The following CSMD1 variants were observed in gnomAD, a reference collection of about 807,000 sequenced individuals.
The protein encoded by CSMD1 is CUB and Sushi multiple domains 1.
Under a neutral mutation model 417.5 loss-of-function variants are expected in CSMD1, and 213 were observed. The observed-to-expected ratio is 0.51, with a 90% CI of 0.46 to 0.57. The LOEUF (loss-of-function observed/expected upper bound fraction) is 0.57. Among genes scored for constraint, CSMD1 ranks in the 20% least tolerant of loss-of-function variants. The pLI, the probability that CSMD1 is intolerant of heterozygous loss-of-function variation, is 0.00. For synonymous variants in CSMD1, 2,862 were observed against 1,736.8 expected (o/e 1.65, Z -16.11); for missense variants, 6,923 against 4,529.7 (o/e 1.53, Z -15.17).
chr8:3,985,756 ATT>A (rs11288801), intron 5 of CSMD1, among the ~76,000 whole-genome samples: 14,745 of 142,314 alleles, frequency 0.1, 883 homozygotes, highest in African/African-American at 0.16. Context: ...TGTTAAAGTG[ATT>A]TTTTTTTTTT....
chr8:4,086,025 T>C (rs1800400360), intron 3 of CSMD1, among the ~76,000 whole-genome samples: 1 of 152,182 alleles, frequency 6.6e-6, no homozygotes, highest in South Asian at 2.1e-4. Context: ...AAAGGTGTGG[T>C]CCTGTTTTCA....
chr8:4,670,905 T>G (rs959844096), intron 1 of CSMD1, among the ~76,000 whole-genome samples: 1 of 152,204 alleles, frequency 6.6e-6, no homozygotes, highest in Admixed American at 6.5e-5. Context: ...GAAATTTTAG[T>G]GACAAGGATA....
chr8:4,955,462 T>C (rs1458952220), intron 1 of CSMD1, among the ~76,000 whole-genome samples: 37 of 151,958 alleles, frequency 2.4e-4, no homozygotes. Flanking sequence ...CTCTCTTTTT[T>C]TTTTTTATTG....
At chr8:3,366,226 G>T (rs1268659812) in intron 20 of CSMD1, among the ~76,000 whole-genome samples, 1 of 152,224 alleles carries the variant, frequency 6.6e-6, no homozygotes, top group East Asian at 1.9e-4. Flanking sequence ...GTGCAGCAGG[G>T]CCCTTTCTGT....
At chr8:3,528,297 G>A (rs1490340632) in intron 10 of CSMD1, among the ~76,000 whole-genome samples, 1 of 152,148 alleles carries the variant, frequency 6.6e-6, no homozygotes, top group Non-Finnish European at 1.5e-5. Context: ...GAGGTGTTTT[G>A]CTAATAGCTC....
rs746940401 is a variant in CSMD1, at chr8:3,308,388, G to A, written c.3747C>T (p.Ala1249=). Residue 1249 remains alanine (A), a synonymous_variant, in exon 24 of 70, where the codon GCC becomes GCT. Transcript: ENST00000635120. ...AGGTCAGGGTGTTGCTGCCATGCATGGCGTACCCCGGGTTGCAACTGTACA... is the reference window on the plus strand; with the variant it reads ...AGGTCAGGGTGTTGCTGCCATGCATAGCGTACCCCGGGTTGCAACTGTACA... ...VVLYSCNPGY[A]MHGSNTLTCL... is the part of the protein sequence containing the mutation. 42 of 1,613,676 alleles carry A rather than the reference G, an allele frequency of 2.6e-5. No homozygotes were observed. The highest frequency in any genetic ancestry group is 3.3e-5 in the Non-Finnish European group (39 of 1,179,808).
chr8:4,199,913 G>C (rs924057871), intron 3 of CSMD1, among the ~76,000 whole-genome samples: 3 of 152,074 alleles, frequency 2.0e-5, no homozygotes, highest in Admixed American at 6.5e-5. Context: ...CATACATTTT[G>C]TGGTGAAGTA....
intron 3 of CSMD1, among the ~76,000 whole-genome samples, chr8:4,115,318 A>C (rs1343356314): frequency 1.3e-5 from 2 of 152,228 alleles, no homozygotes; most frequent in Non-Finnish European, 2.9e-5. Flanking sequence ...TTTTAAAATT[A>C]AGGTATGTAC....
At chr8:2,951,069 T>C in intron 66 of CSMD1, 45 bp downstream of exon 66, 2 of 1,578,856 alleles carry the variant, frequency 1.3e-6, no homozygotes, top group Non-Finnish European at 1.7e-6. Flanking sequence ...ATAACAGGTC[T>C]ATTTCTGCTC....
At chr8:4,701,538 G>C (rs1360661055) in intron 1 of CSMD1, among the ~76,000 whole-genome samples, 2 of 151,986 alleles carry the variant, frequency 1.3e-5, no homozygotes, top group Admixed American at 6.5e-5. Context: ...TCAATGGTGG[G>C]CATGGGAGGG....
At chr8:3,826,750 C>A (rs1241630020) in intron 5 of CSMD1, among the ~76,000 whole-genome samples, 1 of 152,088 alleles carries the variant, frequency 6.6e-6, no homozygotes, top group South Asian at 2.1e-4. Flanking sequence ...CCTAGGAGGA[C>A]TCACTTATAA....
intron 7 of CSMD1, among the ~76,000 whole-genome samples, chr8:3,632,410 T>A (rs1437006685): frequency 1.3e-5 from 2 of 152,096 alleles, no homozygotes; most frequent in Non-Finnish European, 2.9e-5. Flanking sequence ...ACCCCTGGGA[T>A]ATGTCCATGT....
rs1421031465 is a variant in CSMD1 at position 4,113,670 on chromosome 8, C to T, written c.416-81571G>A. Among the ~76,000 whole-genome samples the T allele has an allele frequency of 2.6e-5, 4 of 152,148 alleles. No homozygotes were observed. The South Asian group carries it at 6.2e-4, about 24-fold the overall frequency. ...CCACCCGCCTCCACCTCCCAAAGTG[C>T]TAGGATTACAGGCATGAGCCACCGC... On this transcript the variant is annotated intron_variant, in intron 3 of 69. Transcript: ENST00000635120.
chr8:4,823,039 C>T (rs1165486089), intron 1 of CSMD1, among the ~76,000 whole-genome samples: 1 of 152,034 alleles, frequency 6.6e-6, no homozygotes, highest in Admixed American at 6.6e-5. Flanking sequence ...ATCACTGTGT[C>T]TGTGAAATGC....
chr8:4,102,067 T>C (rs1352224744), intron 3 of CSMD1, among the ~76,000 whole-genome samples: 5 of 152,104 alleles, frequency 3.3e-5, no homozygotes, highest in Admixed American at 6.6e-5. Context: ...ATCAGCAAGT[T>C]TTACCTGCGC....
chr8:4,574,947 A>T (rs1376337534), intron 2 of CSMD1, among the ~76,000 whole-genome samples: 1 of 152,208 alleles, frequency 6.6e-6, no homozygotes, highest in Non-Finnish European at 1.5e-5. Flanking sequence ...ATCAAGAACT[A>T]TTCCTAATGA....
chr8:3,889,571 A>G (rs1333612616), intron 5 of CSMD1, among the ~76,000 whole-genome samples: 4 of 135,774 alleles, frequency 2.9e-5, no homozygotes, highest in African/African-American at 1.2e-4. Context: ...GTGTGTGTGT[A>G]TGTGTATGTA....
chr8:3,714,558 TCC>T (rs1491539120), intron 6 of CSMD1, among the ~76,000 whole-genome samples: 9 of 2,060 alleles, frequency 4.4e-3, no homozygotes, highest in South Asian at 0.018. Flanking sequence ...CCCATCTCTA[TCC>T]CAAAAAAAAA....
chr8:3,431,779 T>A (rs1563382098), intron 12 of CSMD1, among the ~76,000 whole-genome samples: 1 of 151,838 alleles, frequency 6.6e-6, no homozygotes, highest in South Asian at 2.1e-4. Flanking sequence ...CTTTGAAAAT[T>A]TGCTCCTATT....
Sources: gnomAD v4.1 joint callset for allele counts (sites outside exome capture counted in the v4.1 genomes callset) on GRCh38, gnomAD v4.1.1 for gene constraint, MANE v1.5 for transcripts, NCBI Gene and HGNC (gene_info 2026-07-23, HGNC 2026-07-21) for gene names.